The following CNOT2 variants were observed in gnomAD, a reference collection of about 807,000 sequenced individuals.
The protein encoded by CNOT2 is CCR4-NOT transcription complex subunit 2.
Under a neutral mutation model 72.1 loss-of-function variants are expected in CNOT2, and 7 were observed. The ratio of observed to expected loss-of-function variants is 0.10; its 90% CI spans 0.06 to 0.18. The LOEUF (loss-of-function observed/expected upper bound fraction) is 0.18, where lower values mean the gene tolerates loss of function less well. CNOT2 is among the 10% of genes least tolerant of loss of function. The pLI is 1.00. For synonymous variants in CNOT2, 196 were observed against 225.6 expected (o/e 0.87, Z 1.17); for missense variants, 345 against 660.3 (o/e 0.52, Z 5.23).
At chr12:70,330,606 TC>T (rs1879782675) in intron 6 of CNOT2, 137 bp downstream of exon 6, 1 of 504,794 alleles carries the variant, frequency 2.0e-6, no homozygotes, top group African/African-American at 2.0e-5. Context: ...GTCCAAAGAT[TC>T]TGTTACCCAT....
chr12:70,313,387 C>A (rs935206308), intron 3 of CNOT2, among the ~76,000 whole-genome samples: 1 of 151,828 alleles, frequency 6.6e-6, no homozygotes, highest in African/African-American at 2.4e-5. Context: ...TAAATGTGAT[C>A]CATCAGTCTT....
chr12:70,334,631 C>T (rs1180564624), intron 7 of CNOT2: 1 of 151,914 alleles, frequency 6.6e-6, no homozygotes, highest in East Asian at 1.9e-4. Context: ...TATAAGAATA[C>T]TAAAAAGTTA....
At chr12:70,285,022 A>T (rs148644952) in intron 2 of CNOT2, among the ~76,000 whole-genome samples, 1 of 152,216 alleles carries the variant, frequency 6.6e-6, no homozygotes, top group South Asian at 2.1e-4. Flanking sequence ...GCAACGTATG[A>T]CGTAGACTTT....
At chr12:70,341,150 T>G (rs970280605) in intron 11 of CNOT2, among the ~76,000 whole-genome samples, 1 of 152,052 alleles carries the variant, frequency 6.6e-6, no homozygotes, top group African/African-American at 2.4e-5. Context: ...CCTTCCAGAG[T>G]ATTGGAATTA....
At chr12:70,294,253 T>A in intron 2 of CNOT2, 1 of 1,289,404 alleles carries the variant, frequency 7.8e-7, no homozygotes, top group Non-Finnish European at 1.0e-6. Context: ...GCTCTGAGCT[T>A]TCCAATCCCC....
At chr12:70,318,903 T>A (rs1419323668) in intron 3 of CNOT2, 1 of 155,920 alleles carries the variant, frequency 6.4e-6, no homozygotes, top group Non-Finnish European at 1.4e-5. Context: ...ATAATTTACA[T>A]CTACAAGGAA....
At chr12:70,300,457 C>T (rs1183755059) in intron 2 of CNOT2, among the ~76,000 whole-genome samples, 1 of 152,192 alleles carries the variant, frequency 6.6e-6, no homozygotes, top group Non-Finnish European at 1.5e-5. Flanking sequence ...GTTTTCCCAG[C>T]ACCATTTATT....
In CNOT2 at chr12:70,265,322, TC is replaced by T. The variant is rs139856041; in HGVS notation, c.-95-12809del. 2.0e-3 allele frequency among the ~76,000 whole-genome samples: 193 copies of T among 96,796 alleles called. 1 individual carries two copies. The highest frequency in any genetic ancestry group is 3.9e-3 in the Admixed American group (27 of 6,846). 63.5% of individuals were successfully genotyped at this position (96,796 alleles called of 152,430 possible). On this transcript the variant is annotated intron_variant, in intron 1 of 15. Coordinates refer to ENST00000229195, the MANE Select transcript of CNOT2 (RefSeq NM_014515.7). Reference sequence around the variant, plus strand: ...TCTCTTCTCTTCTCTTCTCTTCTCTTCTCTTTCTTTCTTTTTTCTTTCTTTC... The same window carrying T: ...TCTCTTCTCTTCTCTTCTCTTCTCTTTCTTTCTTTCTTTTTTCTTTCTTTC...
At chr12:70,261,733 G>T (rs937759748) in intron 1 of CNOT2, among the ~76,000 whole-genome samples, 1 of 152,024 alleles carries the variant, frequency 6.6e-6, no homozygotes, top group Non-Finnish European at 1.5e-5. Flanking sequence ...AAATGTTCCA[G>T]GTTCCAAAAC....
chr12:70,246,817 A>G (rs1957895480), intron 1 of CNOT2, among the ~76,000 whole-genome samples: 2 of 152,120 alleles, frequency 1.3e-5, no homozygotes, highest in South Asian at 4.1e-4. Context: ...TTCTTTGTCT[A>G]TACTATTAGG....
chr12:70,347,191 T>TA (rs1451123390), intron 15 of CNOT2, among the ~76,000 whole-genome samples: 1 of 152,178 alleles, frequency 6.6e-6, no homozygotes, highest in Non-Finnish European at 1.5e-5. Context: ...GACAATTTTT[T>TA]AGTTGTCAAT....
At chr12:70,286,676 A>G (rs909825811) in intron 2 of CNOT2, among the ~76,000 whole-genome samples, 4 of 149,860 alleles carry the variant, frequency 2.7e-5, no homozygotes, top group East Asian at 2.0e-4. Flanking sequence ...CTGTCTGTCA[A>G]CCTTTTTCTT....
At chr12:70,253,724 C>G (rs1958269114) in intron 1 of CNOT2, among the ~76,000 whole-genome samples, 1 of 152,074 alleles carries the variant, frequency 6.6e-6, no homozygotes, top group Non-Finnish European at 1.5e-5. Flanking sequence ...TAGAGCATGT[C>G]AAAGTATCAT....
At chr12:70,257,481 C>T (rs1958517776) in intron 1 of CNOT2, among the ~76,000 whole-genome samples, 1 of 151,794 alleles carries the variant, frequency 6.6e-6, no homozygotes, top group Non-Finnish European at 1.5e-5. Flanking sequence ...CTGCCTCAGC[C>T]TCCCAAGTTG....
chr12:70,301,378 A>G (rs533880965), intron 2 of CNOT2, among the ~76,000 whole-genome samples: 131 of 152,230 alleles, frequency 8.6e-4, no homozygotes, highest in African/African-American at 3.0e-3. Flanking sequence ...AGCTCTTATT[A>G]TTTTGAGATA....
chr12:70,268,180 A>C (rs1959141503), intron 1 of CNOT2, among the ~76,000 whole-genome samples: 1 of 152,112 alleles, frequency 6.6e-6, no homozygotes, highest in Non-Finnish European at 1.5e-5. Flanking sequence ...AGTTTCTTTC[A>C]TCCGAAAGTG....
intron 2 of CNOT2, among the ~76,000 whole-genome samples, chr12:70,286,438 T>C (rs1255397642): frequency 1.3e-5 from 2 of 150,068 alleles, no homozygotes; most frequent in African/African-American, 2.4e-5. Context: ...TTGTACATGG[T>C]GTTAGAAGTA....
At chr12:70,265,022 T>C (rs976325766) in intron 1 of CNOT2, among the ~76,000 whole-genome samples, 31 of 152,156 alleles carry the variant, frequency 2.0e-4, no homozygotes, top group African/African-American at 7.5e-4. Context: ...TTGGGCATTT[T>C]ATTGAATTTG....
At chr12:70,323,639 G>C (rs1878636638) in intron 4 of CNOT2, 1 of 151,798 alleles carries the variant, frequency 6.6e-6, no homozygotes, top group Admixed American at 6.6e-5. Context: ...GCATGGGATA[G>C]ATTTAGGAAT....
Sources: allele counts gnomAD v4.1 joint callset (sites outside exome capture counted in the v4.1 genomes callset), GRCh38; gene constraint gnomAD v4.1.1; transcripts MANE v1.5; gene names NCBI Gene and HGNC (gene_info 2026-07-23, HGNC 2026-07-21).